SLC10A7: variants seen among roughly 807,000 people sequenced by gnomAD.
SLC10A7 encodes sodium/bile acid cotransporter 7.
In SLC10A7, 29 loss-of-function variants were observed where a neutral mutation model predicts 43.2. The observed-to-expected ratio is 0.67, with a 90% confidence interval of 0.50 to 0.92. SLC10A7 has a LOEUF of 0.92. SLC10A7 is among the 40% of genes least tolerant of loss of function. The probability of loss-of-function intolerance (pLI) is 0.00; values close to 1 mark genes in which losing one functional copy is unlikely to be tolerated. For synonymous variants in SLC10A7, 152 were observed against 144.8 expected, an observed-to-expected ratio of 1.05 and a Z score of -0.35; for missense variants, 295 against 403.2, an observed-to-expected ratio of 0.73 and a Z score of 2.30.
intron 2 of SLC10A7, chr4:146,514,414 A>G (rs1034381032): frequency 3.9e-4 from 59 of 152,356 alleles, no homozygotes; most frequent in African/African-American, 1.3e-3. Context: ...ACAGGTTTGA[A>G]GTGAACTAAA....
chr4:146,323,616 G>A (rs560364680), intron 6 of SLC10A7, among the ~76,000 whole-genome samples: 124 of 152,236 alleles, frequency 8.1e-4, no homozygotes, highest in African/African-American at 2.9e-3. Flanking sequence ...TGCTGTTTTG[G>A]TTACTGTAGC....
At chr4:146,438,672 T>A (rs912292692) in intron 5 of SLC10A7, among the ~76,000 whole-genome samples, 13 of 152,046 alleles carry the variant, frequency 8.6e-5, no homozygotes, top group African/African-American at 2.7e-4. Context: ...ATGTTCCTTT[T>A]AAACTTTAAC....
intron 6 of SLC10A7, among the ~76,000 whole-genome samples, chr4:146,323,349 T>C (rs1732869752): frequency 6.6e-6 from 1 of 152,220 alleles, no homozygotes; most frequent in South Asian, 2.1e-4. Context: ...CTAGGGTTTT[T>C]ATGGTTTTAG....
chr4:146,311,892 T>A (rs780201782), intron 6 of SLC10A7, among the ~76,000 whole-genome samples: 15 of 152,158 alleles, frequency 9.9e-5, no homozygotes, highest in Non-Finnish European at 1.3e-4. Flanking sequence ...CCCCTCCCTA[T>A]ACACGATATA....
intron 2 of SLC10A7, among the ~76,000 whole-genome samples, 186 bp from the exon 3 acceptor site, chr4:146,510,235 A>G (rs1737328994): frequency 6.6e-6 from 1 of 151,572 alleles, no homozygotes; most frequent in Non-Finnish European, 1.5e-5. Flanking sequence ...TGAAGGCTAT[A>G]AAGTATTTTT....
At chr4:146,507,318 T>C (rs1234429714) in intron 3 of SLC10A7, among the ~76,000 whole-genome samples, 1 of 152,156 alleles carries the variant, frequency 6.6e-6, no homozygotes, top group Non-Finnish European at 1.5e-5. Context: ...TCCCAGCACT[T>C]TGGGAGGCTG....
intron 6 of SLC10A7, among the ~76,000 whole-genome samples, chr4:146,310,437 T>C (rs939159955): frequency 3.3e-5 from 5 of 152,144 alleles, no homozygotes; most frequent in Non-Finnish European, 4.4e-5. Context: ...TTCCCACTAA[T>C]TGTGCATAAA....
intron 5 of SLC10A7, among the ~76,000 whole-genome samples, chr4:146,433,686 C>T (rs1029738526): frequency 4.0e-5 from 6 of 151,812 alleles, no homozygotes; most frequent in South Asian, 4.2e-4. Flanking sequence ...GGCAACATAG[C>T]GAGATCCCAT....
At chr4:146,374,963 T>G (rs1004789252) in intron 5 of SLC10A7, among the ~76,000 whole-genome samples, 1 of 152,154 alleles carries the variant, frequency 6.6e-6, no homozygotes, top group Non-Finnish European at 1.5e-5. Flanking sequence ...CCTAGCACTT[T>G]GGGAGGCTGA....
At chr4:146,279,103 A>C (rs1729382559) in intron 10 of SLC10A7, among the ~76,000 whole-genome samples, 1 of 152,184 alleles carries the variant, frequency 6.6e-6, no homozygotes, top group Non-Finnish European at 1.5e-5. Context: ...GCATTCATTC[A>C]ATTCAGAAGT....
At chr4:146,374,331 G>A (rs1355659452) in intron 5 of SLC10A7, among the ~76,000 whole-genome samples, 2 of 152,060 alleles carry the variant, frequency 1.3e-5, no homozygotes, top group African/African-American at 4.8e-5. Context: ...GCTCATGTCT[G>A]TAATCCTAGC....
At chr4:146,426,492 A>G (rs969384503) in intron 5 of SLC10A7, among the ~76,000 whole-genome samples, 2 of 152,170 alleles carry the variant, frequency 1.3e-5, no homozygotes, top group Non-Finnish European at 2.9e-5. Context: ...CCGTCTAGAC[A>G]ATATAGCAAA....
intron 5 of SLC10A7, among the ~76,000 whole-genome samples, chr4:146,397,426 C>T (rs889117886): frequency 6.6e-6 from 1 of 152,128 alleles, no homozygotes; most frequent in South Asian, 2.1e-4. Context: ...AAACACATCC[C>T]CAATAATGTA....
chr4:146,394,664 A>T (rs1738684959), intron 5 of SLC10A7, among the ~76,000 whole-genome samples: 1 of 152,118 alleles, frequency 6.6e-6, no homozygotes, highest in South Asian at 2.1e-4. Flanking sequence ...GCCCAGCCCC[A>T]CACTTTTATC....
chr4:146,289,030 C>A (rs1301306647), intron 9 of SLC10A7, among the ~76,000 whole-genome samples: 3 of 152,136 alleles, frequency 2.0e-5, no homozygotes, highest in Admixed American at 6.5e-5. Context: ...CTTTGAGATA[C>A]TTCTGTCTAA....
At chr4:146,462,498 A>G (rs2149940088) in intron 4 of SLC10A7, among the ~76,000 whole-genome samples, 1 of 152,166 alleles carries the variant, frequency 6.6e-6, no homozygotes, top group Admixed American at 6.6e-5. Flanking sequence ...GCTCCCCCCA[A>G]ACACTCTTCC....
intron 4 of SLC10A7, among the ~76,000 whole-genome samples, chr4:146,455,949 G>A (rs891105003): frequency 6.6e-6 from 1 of 151,814 alleles, no homozygotes; most frequent in African/African-American, 2.4e-5. Context: ...TAGCGTGCTA[G>A]TAGCCGTTTA....
chr4:146,404,157 C>T (rs927969204), intron 5 of SLC10A7, among the ~76,000 whole-genome samples: 23 of 152,058 alleles, frequency 1.5e-4, no homozygotes, highest in African/African-American at 4.8e-4. Flanking sequence ...ACTGGGGTGA[C>T]GAGAGCACCA....
chr4:146,368,656 C>A (rs1736558202), intron 5 of SLC10A7, among the ~76,000 whole-genome samples: 1 of 152,164 alleles, frequency 6.6e-6, no homozygotes, highest in African/African-American at 2.4e-5. Context: ...CCTTCCTGAA[C>A]AAACCCACTA....
Sources: allele counts gnomAD v4.1 joint callset (sites outside exome capture counted in the v4.1 genomes callset), GRCh38; gene constraint gnomAD v4.1.1; transcripts MANE v1.5; gene names NCBI Gene and HGNC (gene_info 2026-07-23, HGNC 2026-07-21).